The following CHD3 variants were observed in gnomAD, a reference collection of about 807,000 sequenced individuals.
CHD3 encodes chromodomain helicase DNA binding protein 3.
CHD3 carries 52 observed loss-of-function variants against 248.9 expected under a neutral mutation model. That is an observed-to-expected ratio of 0.21 (90% CI 0.17 to 0.26). The LOEUF (loss-of-function observed/expected upper bound fraction) is 0.26. CHD3 is among the 10% of genes least tolerant of loss of function. The probability of loss-of-function intolerance (pLI) is 1.00; values close to 1 mark genes in which losing one functional copy is unlikely to be tolerated. For missense variants in CHD3, 1,482 were observed against 2,605.8 expected (o/e 0.57, Z 9.39); for synonymous variants, 985 against 985.2 (o/e 1.00, Z 0.00).
chr17:7,906,260 T>G lies in CHD3; in HGVS notation c.4358+271T>G, dbSNP rs564689440. 1.7e-5 allele frequency: 12 copies of G among 710,572 alleles called. No individual in the cohort carries two copies. In the East Asian group the frequency reaches 2.3e-4, roughly 14 times the overall value. 44.0% of individuals were successfully genotyped at this position (710,572 alleles called of 1,614,324 possible). Reference sequence around the variant, plus strand: ...TCCTGGGCTGTCCTAGCCTCACATTTACTTGACCACAATAACCTGGCAGGA... The same window carrying G: ...TCCTGGGCTGTCCTAGCCTCACATTGACTTGACCACAATAACCTGGCAGGA... On this transcript the variant is annotated intron_variant, in intron 28 of 39. Transcript: ENST00000330494. This position sits in a 1 kb window ranked among gnomAD's most constrained non-coding sequence, Gnocchi z 5.0.
chr17:7,892,774 C>T (rs779993369), intron 4 of CHD3, among the ~76,000 whole-genome samples: 3 of 152,096 alleles, frequency 2.0e-5, no homozygotes, highest in East Asian at 1.9e-4. Flanking sequence ...GGATTACAGG[C>T]GTGAGCCACT....
rs775748493 is a variant in CHD3 at position 7,889,696 on chromosome 17, T to C, written c.133T>C (p.Leu45=). The C allele has an allele frequency of 2.3e-5, 37 of 1,613,400 alleles. 2 individuals carry two copies. The South Asian group carries it at 3.7e-4, about 16-fold the overall frequency. ...TGACATTCGGCTGCTGCCGTCAGCA[T>C]TGGGTGTGAAGAAGAGAAAACGAGG... ...KDDIRLLPSA[L]GVKKRKRGPK... The change falls in exon 2 of 40, where the codon TTG becomes CTG. Residue 45 remains leucine (L), a synonymous_variant. Transcript: ENST00000330494. This position sits in a 1 kb window ranked among gnomAD's most constrained non-coding sequence, Gnocchi z 4.5.
chr17:7,907,243 CAG>C lies in CHD3; in HGVS notation c.4787_4788del (p.Glu1596GlyfsTer2). On this transcript the variant is annotated frameshift_variant and splice_region_variant, in exon 31 of 40. Coordinates refer to ENST00000330494, the MANE Select transcript of CHD3 (RefSeq NM_001005273.3). LOFTEE classifies it high-confidence loss of function. The surrounding 1 kb of genome is among the most constrained non-coding windows in gnomAD (Gnocchi z 4.3). The stretch of plus-strand genomic sequence containing the variant: ...AGCAGAATTGGGGAGAAGATGGAGA[CAG>C]AGGTGTGTGGCTCCCTGGATTCCCC... The C allele has an allele frequency of 6.2e-7, 1 of 1,614,206 alleles. No individual in the cohort carries two copies. The highest frequency in any genetic ancestry group is 8.5e-7 in the Non-Finnish European group (1 of 1,180,034).
Position 7,895,219 on chromosome 17 carries a change from C to A in CHD3, c.1503+69C>A. The A allele has an allele frequency of 6.3e-7, 1 of 1,585,112 alleles. No individual in the cohort carries two copies. The highest frequency in any genetic ancestry group is 1.2e-5 in the South Asian group (1 of 86,568). ...TCCCTTCCCCCATCCCTGGGGCCCA[C>A]ATGTCCAGCTTTTCATTTCTCTGCA... On this transcript the variant is annotated intron_variant, in intron 9 of 39. Transcript: ENST00000330494. This position sits in a 1 kb window ranked among gnomAD's most constrained non-coding sequence, Gnocchi z 4.9.
rs758459375 is a variant in CHD3 at position 7,890,611 on chromosome 17, G to A, written c.254G>A (p.Arg85Gln). The change falls in exon 3 of 40, where the codon CGG becomes CAG. Residue 85 changes from arginine to glutamine, a missense_variant. By Grantham distance (43) the Arg-to-Gln change is conservative. Coordinates refer to ENST00000330494, the MANE Select transcript of CHD3 (RefSeq NM_001005273.3). ...EEFGSERDEY[R>Q]EKSESGGSEY... is the part of the protein sequence containing the mutation. ...TTTGGTTCTGAGCGAGATGAGTACC[G>A]GGAGAAGTCAGAGAGTGGGGGCAGT... 20 of 1,606,164 alleles carry A rather than the reference G, an allele frequency of 1.2e-5. No individual in the cohort carries two copies. The highest frequency in any genetic ancestry group is 1.1e-4 in the East Asian group (5 of 44,834).
At chr17:7,887,186 C>T (rs1186018954), upstream of CHD3, among the ~76,000 whole-genome samples, 4 of 152,212 alleles carry the variant, frequency 2.6e-5, no homozygotes, top group South Asian at 4.1e-4. Context: ...TGCCCTCGCT[C>T]TTCCTTGTCT....
Position 7,899,236 on chromosome 17 carries a change from T to C in CHD3, c.2343+34T>C. The stretch of plus-strand genomic sequence containing the variant: ...TTCTAGGACCTTGAAGGGGACCGCC[T>C]GGACTGGGGAAGTGGGGAGGGGGAA... On this transcript the variant is annotated intron_variant, in intron 14 of 39. Transcript: ENST00000330494. The surrounding 1 kb of genome is among the most constrained non-coding windows in gnomAD (Gnocchi z 6.8). 6.2e-7 allele frequency: 1 copy of C among 1,605,770 alleles called. No homozygotes were observed. The highest frequency in any genetic ancestry group is 8.5e-7 in the Non-Finnish European group (1 of 1,173,420).
In CHD3 at chr17:7,907,100, C is replaced by CT; in HGVS notation, c.4667-23dup. On this transcript the variant is annotated intron_variant, in intron 30 of 39. Transcript: ENST00000330494. The surrounding 1 kb of genome is among the most constrained non-coding windows in gnomAD (Gnocchi z 4.3). ...GGAGTCAGGGCGGGAGAATCTCTGT[C>CT]TTTATCACTGTGCCTTCCCCTGCAG... 1 of 1,614,154 alleles carries CT rather than the reference C, an allele frequency of 6.2e-7. No homozygotes were observed. Among genetic ancestry groups the CT allele is most frequent in the African/African-American group, 1.3e-5 (1 of 75,038 alleles).
chr17:7,901,474 G>A (rs1567858100), intron 20 of CHD3, 99 bp downstream of exon 20: 31 of 874,110 alleles, frequency 3.5e-5, no homozygotes, highest in Middle Eastern at 2.6e-4. Flanking sequence ...CTGCTCTGGT[G>A]TGACAAATGA....
intron 13 of CHD3, 68 bp downstream of exon 13, chr17:7,898,663 T>C: frequency 8.5e-7 from 1 of 1,171,986 alleles, no homozygotes; most frequent in Non-Finnish European, 1.2e-6. Context: ...CAAGGGCTAC[T>C]GATGGAACTT....
Position 7,910,997 on chromosome 17 carries a change from C to T in CHD3, c.5881+24C>T. On this transcript the variant is annotated intron_variant, in intron 39 of 39. Transcript: ENST00000330494. This position sits in a 1 kb window ranked among gnomAD's most constrained non-coding sequence, Gnocchi z 4.7. The stretch of plus-strand genomic sequence containing the variant: ...AGGTCAGCTGGTGTTTTCCTACCCC[C>T]TGCTACTCACACTCCTCCTTTGCCA... 3 of 1,612,070 alleles carry T rather than the reference C, an allele frequency of 1.9e-6. No homozygotes were observed. Among genetic ancestry groups the T allele is most frequent in the African/African-American group, 2.7e-5 (2 of 74,862 alleles).
At position 7,893,457 on chromosome 17, in the gene CHD3, T is replaced by A; in HGVS notation, c.681T>A (p.Ala227=). 6.2e-7 allele frequency: 1 copy of A among 1,611,318 alleles called. No individual in the cohort carries two copies. The highest frequency in any genetic ancestry group is 8.5e-7 in the Non-Finnish European group (1 of 1,178,510). ...CTGTAGCTGAGCAGGTGTCAGCTGC[T>A]GTCTCGTCGGCCACCCCCATAGCAC... ...AAAVAEQVSA[A]VSSATPIAPS... Residue 227 remains alanine (A), a synonymous_variant, in exon 5 of 40, where the codon GCT becomes GCA. Transcript: ENST00000330494.
chr17:7,910,498 C>T lies in CHD3; in HGVS notation c.5661C>T (p.Ser1887=), dbSNP rs1442885337. The change falls in exon 38 of 40, where the codon TCC becomes TCT. Residue 1887 remains serine (S), a synonymous_variant. Transcript: ENST00000330494. This position sits in a 1 kb window ranked among gnomAD's most constrained non-coding sequence, Gnocchi z 4.7. ...TGACCCGCCTGCCAGCCACGCTGTC[C>T]CGAATACCCCCCATCGCAGCCCGCC... ...ADVTRLPATL[S]RIPPIAARLQ... is the part of the protein sequence containing the mutation. The T allele has an allele frequency of 6.2e-7, 1 of 1,614,044 alleles. No homozygotes were observed. The highest frequency in any genetic ancestry group is 1.7e-5 in the Admixed American group (1 of 60,020).
Position 7,910,909 on chromosome 17 carries a change from C to A in CHD3, c.5817C>A (p.Pro1939=). The A allele has an allele frequency of 6.2e-7, 1 of 1,613,652 alleles. No individual in the cohort carries two copies. Among genetic ancestry groups the A allele is most frequent in the Non-Finnish European group, 8.5e-7 (1 of 1,179,846 alleles). Reference sequence around the variant, plus strand: ...ACGGGGCGGCCTTCAGCGCCGCACCCGTAGGGGCCCTGGCCGCCGCAGGCG... The same window carrying A: ...ACGGGGCGGCCTTCAGCGCCGCACCAGTAGGGGCCCTGGCCGCCGCAGGCG... ...PGYGAAFSAA[P]VGALAAAGAN... Residue 1939 remains proline (P), a synonymous_variant, in exon 39 of 40, where the codon CCC becomes CCA. Transcript: ENST00000330494. This position sits in a 1 kb window ranked among gnomAD's most constrained non-coding sequence, Gnocchi z 4.7.
In CHD3 at chr17:7,910,174, T is replaced by C; in HGVS notation, c.5591-254T>C. On this transcript the variant is annotated intron_variant, in intron 37 of 39. Transcript: ENST00000330494. The surrounding 1 kb of genome is among the most constrained non-coding windows in gnomAD (Gnocchi z 4.7). ...CCATGCTCCCTTTTTCTTTCTTCTT[T>C]CTCTCCATCTGTCTTCTGTGGTAAT... 1 of 476,016 alleles carries C rather than the reference T, an allele frequency of 2.1e-6. No homozygotes were observed. The highest frequency in any genetic ancestry group is 3.8e-6 in the Non-Finnish European group (1 of 266,104). 29.5% of individuals were successfully genotyped at this position (476,016 alleles called of 1,614,324 possible). A position where few individuals can be genotyped will look rare whatever the true frequency, so the allele number is the denominator to read the frequency against.
At chr17:7,884,876 G>T, upstream of CHD3, 1 of 1,319,162 alleles carries the variant, frequency 7.6e-7, no homozygotes, top group Admixed American at 2.3e-5. Context: ...GGAAGAAGAG[G>T]AGGAAGAAGA....
rs1340227920 is a variant in CHD3 at position 7,910,583 on chromosome 17, C to G, written c.5746C>G (p.Pro1916Ala). Residue 1916 changes from proline to alanine, a missense_variant, in exon 38 of 40, where the codon CCC becomes GCC. Pro to Ala is a conservative substitution (Grantham distance 27, BLOSUM62 -1). Transcript: ENST00000330494. The surrounding 1 kb of genome is among the most constrained non-coding windows in gnomAD (Gnocchi z 4.7). ...RLASKGTEPHPTPAYPPGPYA... is the reference protein window; with the variant it reads ...RLASKGTEPHATPAYPPGPYA... ...GGCCAGCAAGGGCACGGAGCCTCAC[C>G]CCACACCGGTAACCCTCTTTCCCCC... 6.2e-7 allele frequency: 1 copy of G among 1,609,480 alleles called. No homozygotes were observed. Among genetic ancestry groups the G allele is most frequent in the Non-Finnish European group, 8.5e-7 (1 of 1,179,498 alleles).
chr17:7,898,343 G>A (rs1324930953), intron 12 of CHD3, among the ~76,000 whole-genome samples, 153 bp from the exon 13 acceptor site: 1 of 152,120 alleles, frequency 6.6e-6, no homozygotes, highest in Non-Finnish European at 1.5e-5. Flanking sequence ...CTCTTGAGGT[G>A]AAATCCAAAG....
At chr17:7,888,425 C>A (rs1182694935), upstream of CHD3, among the ~76,000 whole-genome samples, 1 of 152,242 alleles carries the variant, frequency 6.6e-6, no homozygotes, top group Non-Finnish European at 1.5e-5. Context: ...TCCCATCTTG[C>A]ATCGGCTGCC....
Sources: gnomAD v4.1 joint callset for allele counts (sites outside exome capture counted in the v4.1 genomes callset) on GRCh38, gnomAD v4.1.1 for gene constraint, Gnocchi (gnomAD v3.1) non-coding constraint, MANE v1.5 for transcripts, NCBI Gene and HGNC (gene_info 2026-07-23, HGNC 2026-07-21) for gene names.